HELLS: variants seen among roughly 807,000 people sequenced by gnomAD.
HELLS encodes the protein lymphoid-specific helicase.
HELLS carries 32 observed loss-of-function variants against 120.0 expected under a neutral mutation model. The ratio of observed to expected loss-of-function variants is 0.27; its 90% confidence interval spans 0.20 to 0.36. The LOEUF (loss-of-function observed/expected upper bound fraction) is 0.36. Among genes scored for constraint, HELLS ranks in the 10% least tolerant of loss-of-function variants. The pLI, the probability that HELLS is intolerant of heterozygous loss-of-function variation, is 1.00. For missense variants in HELLS, 650 were observed against 993.4 expected (o/e 0.65, Z 4.65); for synonymous variants, 341 against 323.4 (o/e 1.05, Z -0.58).
intron 3 of HELLS, among the ~76,000 whole-genome samples, chr10:94,555,655 A>G (rs985779671): frequency 6.6e-6 from 1 of 151,854 alleles, no homozygotes; most frequent in Admixed American, 6.6e-5. Context: ...TTGGAGACAG[A>G]GTCTTACTCT....
chr10:94,547,901 A>C (rs1340678766), intron 2 of HELLS, among the ~76,000 whole-genome samples: 1 of 152,202 alleles, frequency 6.6e-6, no homozygotes, highest in Non-Finnish European at 1.5e-5. Flanking sequence ...CTGGTTGACT[A>C]TAACCAGTTA....
Position 94,601,879 on chromosome 10 carries a change from CA to C in HELLS, c.*258del. On this transcript the variant is annotated 3_prime_UTR_variant, in exon 22 of 22. Transcript: ENST00000348459. ...GGATACAGGCTGATGTGTACTTAAC[CA>C]CTTCCAGATTTATACAGTCTTCCTG... is the stretch of plus-strand genomic sequence containing the variant. The C allele has an allele frequency of 4.2e-6, 1 of 240,420 alleles. No homozygotes were observed. Among genetic ancestry groups the C allele is most frequent in the Non-Finnish European group, 8.0e-6 (1 of 125,158 alleles). The allele number at this position is 240,420 out of a possible 1,614,324, so 14.9% of individuals were successfully genotyped here. A position where few individuals can be genotyped will look rare whatever the true frequency, so the allele number is the denominator to read the frequency against.
rs920726361 is a variant in HELLS at position 94,554,322 on chromosome 10, A to G, written c.276+74A>G. ...ATAGCTTTATTGAAGTGTATATTAT[A>G]TACAGTAAAATGGACAGATTTTAAG... is the stretch of plus-strand genomic sequence containing the variant. On this transcript the variant is annotated intron_variant, in intron 3 of 21. Coordinates refer to ENST00000348459, the MANE Select transcript of HELLS (RefSeq NM_018063.5). The G allele has an allele frequency of 4.7e-6, 5 of 1,058,226 alleles. No homozygotes were observed. In the African/African-American group the frequency reaches 6.7e-5, roughly 14 times the overall value. 65.6% of individuals were successfully genotyped at this position (1,058,226 alleles called of 1,614,324 possible). A position where few individuals can be genotyped will look rare whatever the true frequency, so the allele number is the denominator to read the frequency against.
intron 3 of HELLS, among the ~76,000 whole-genome samples, chr10:94,556,071 T>C (rs1843247092): frequency 6.6e-6 from 1 of 152,202 alleles, no homozygotes; most frequent in Non-Finnish European, 1.5e-5. Context: ...TAAGGCGACT[T>C]GGGCCTTGCG....
intron 2 of HELLS, among the ~76,000 whole-genome samples, chr10:94,550,382 G>A (rs545403542): frequency 6.6e-6 from 1 of 151,910 alleles, no homozygotes; most frequent in African/African-American, 2.4e-5. Flanking sequence ...GGGTTTAAGC[G>A]ATTCTTCTGC....
intron 3 of HELLS, among the ~76,000 whole-genome samples, chr10:94,557,414 A>G (rs1564579590): frequency 6.6e-6 from 1 of 152,308 alleles, no homozygotes; most frequent in East Asian, 1.9e-4. Flanking sequence ...CCTCTTGGAA[A>G]TGGTTTGAAT....
intron 19 of HELLS, among the ~76,000 whole-genome samples, chr10:94,595,252 A>T (rs982831106): frequency 6.6e-6 from 1 of 152,098 alleles, no homozygotes; most frequent in African/African-American, 2.4e-5. Context: ...TAACAGCCTG[A>T]TATGACAGGA....
chr10:94,589,667 C>T (rs539052673), intron 13 of HELLS, among the ~76,000 whole-genome samples: 57 of 145,782 alleles, frequency 3.9e-4, no homozygotes, highest in African/African-American at 1.4e-3. Context: ...CCACCAGACT[C>T]TTCTCCCCCC....
chr10:94,592,340 TG>T, intron 16 of HELLS, 28 bp downstream of exon 16: 1 of 1,582,626 alleles, frequency 6.3e-7, no homozygotes, highest in Non-Finnish European at 8.6e-7. Context: ...AATTTTGGAT[TG>T]TTCAATTATT....
At chr10:94,546,300 A>C in intron 1 of HELLS, 77 bp from the exon 2 acceptor site, 1 of 1,574,858 alleles carries the variant, frequency 6.3e-7, no homozygotes, top group South Asian at 1.1e-5. Flanking sequence ...CGGGTGGGAG[A>C]AAGGCTGTTT....
At chr10:94,587,350 A>G (rs1026469062) in intron 12 of HELLS, among the ~76,000 whole-genome samples, 1 of 152,180 alleles carries the variant, frequency 6.6e-6, no homozygotes, top group African/African-American at 2.4e-5. Flanking sequence ...CATAATAATC[A>G]TATCATGGAG....
exon 10 of HELLS, chr10:94,611,335 A>G (rs1026259050): frequency 6.6e-6 from 1 of 151,724 alleles, no homozygotes; most frequent in Non-Finnish European, 1.5e-5. Flanking sequence ...GGTAAGTGAA[A>G]GAGTGTACAT....
At chr10:94,589,609 T>C (rs925140376) in intron 13 of HELLS, among the ~76,000 whole-genome samples, 1 of 152,246 alleles carries the variant, frequency 6.6e-6, no homozygotes, top group East Asian at 1.9e-4. Flanking sequence ...TAAACCTACG[T>C]ATTTTCTTTT....
chr10:94,576,832 T>G, intron 10 of HELLS, 27 bp downstream of exon 10: 1 of 1,557,032 alleles, frequency 6.4e-7, no homozygotes, highest in Non-Finnish European at 8.7e-7. Flanking sequence ...TTGGTTTCTT[T>G]GTAATACATA....
chr10:94,597,124 C>T lies in HELLS; in HGVS notation c.2422+13C>T. The T allele has an allele frequency of 6.7e-7, 1 of 1,484,772 alleles. No individual in the cohort carries two copies. The highest frequency in any genetic ancestry group is 9.3e-7 in the Non-Finnish European group (1 of 1,070,862). The allele number at this position is 1,484,772 out of a possible 1,614,324, so 92.0% of individuals were successfully genotyped here. On this transcript the variant is annotated intron_variant, in intron 21 of 21. Transcript: ENST00000348459. ...AGTGATCTTATTGGTAAGTATTATG[C>T]TTTTTTTTAATGGAAGCTTCGAAAC...
At chr10:94,554,017 T>G (rs1843116245) in intron 2 of HELLS, 109 bp from the exon 3 acceptor site, 3 of 1,020,600 alleles carry the variant, frequency 2.9e-6, no homozygotes, top group Non-Finnish European at 4.3e-6. Flanking sequence ...GGTTTGAAAG[T>G]GTTTGGTTTA....
intron 4 of HELLS, among the ~76,000 whole-genome samples, chr10:94,560,106 C>T (rs947832665): frequency 1.3e-5 from 2 of 152,030 alleles, no homozygotes; most frequent in African/African-American, 2.4e-5. Context: ...GATTTCGGCT[C>T]ACTGCAACCT....
intron 10 of HELLS, among the ~76,000 whole-genome samples, chr10:94,579,690 C>T (rs564918638): frequency 3.3e-5 from 5 of 151,904 alleles, no homozygotes; most frequent in Admixed American, 2.6e-4. Flanking sequence ...TACAGGCGTC[C>T]GTCATCACAC....
chr10:94,592,586 C>A, intron 17 of HELLS, 72 bp downstream of exon 17: 1 of 962,304 alleles, frequency 1.0e-6, no homozygotes, highest in Non-Finnish European at 1.4e-6. Context: ...AAGTAATATT[C>A]CAAATAGACC....
Sources: allele counts gnomAD v4.1 joint callset (sites outside exome capture counted in the v4.1 genomes callset), GRCh38; gene constraint gnomAD v4.1.1; transcripts MANE v1.5; gene names NCBI Gene and HGNC (gene_info 2026-07-23, HGNC 2026-07-21).